Variants in RUNX2 observed in about 807,000 individuals in gnomAD.
The protein encoded by RUNX2 is RUNX family transcription factor 2.
Under a neutral mutation model 51.7 loss-of-function variants are expected in RUNX2, and 10 were observed. The observed-to-expected ratio is 0.19, with a 90% CI of 0.12 to 0.33. RUNX2 has a LOEUF of 0.33. Among genes scored for constraint, RUNX2 ranks in the 10% least tolerant of loss-of-function variants. The probability of loss-of-function intolerance (pLI) is 1.00; values close to 1 mark genes in which losing one functional copy is unlikely to be tolerated. For missense variants in RUNX2, 562 were observed against 691.3 expected (o/e 0.81, Z 2.10); for synonymous variants, 276 against 273.6 (o/e 1.01, Z -0.09).
intron 7 of RUNX2, among the ~76,000 whole-genome samples, chr6:45,514,273 A>G (rs921236368): frequency 6.6e-6 from 1 of 152,218 alleles, no homozygotes. Flanking sequence ...ATTGTTTATC[A>G]TGTACATGTG....
intron 2 of RUNX2, among the ~76,000 whole-genome samples, chr6:45,370,414 C>T (rs1440383220): frequency 2.0e-5 from 3 of 151,954 alleles, no homozygotes; most frequent in Non-Finnish European, 4.4e-5. Flanking sequence ...TCAGTTGGGC[C>T]TATGTTAAGT....
At chr6:45,479,718 C>T (rs979592329) in intron 5 of RUNX2, among the ~76,000 whole-genome samples, 3 of 152,180 alleles carry the variant, frequency 2.0e-5, no homozygotes, top group African/African-American at 7.2e-5. Flanking sequence ...AAACTTAACA[C>T]TACACTTGCT....
In RUNX2 at chr6:45,422,587, C is replaced by G; in HGVS notation, c.59-6C>G. 1 of 1,593,478 alleles carries G rather than the reference C, an allele frequency of 6.3e-7. No homozygotes were observed. ...CTTGTGGCTGTTGTGATGCGTATTCCCGTAGATCCGAGCACCAGCCGGCGC... is the reference window on the plus strand; with the variant it reads ...CTTGTGGCTGTTGTGATGCGTATTCGCGTAGATCCGAGCACCAGCCGGCGC... On this transcript the variant is annotated splice_polypyrimidine_tract_variant and splice_region_variant and intron_variant, in intron 2 of 8. Transcript: ENST00000647337.
chr6:45,547,430 G>C lies in RUNX2; in HGVS notation c.*125G>C. On this transcript the variant is annotated 3_prime_UTR_variant, in exon 9 of 9. Coordinates refer to ENST00000647337, the MANE Select transcript of RUNX2 (RefSeq NM_001024630.4). The stretch of plus-strand genomic sequence containing the variant: ...CTATCTACAAAGTGCCTATTTTTTA[G>C]AAGATTTTTCATTCACTCACTCAGT... The C allele has an allele frequency of 1.2e-6, 1 of 842,038 alleles. No homozygotes were observed. Among genetic ancestry groups the C allele is most frequent in the Non-Finnish European group, 2.0e-6 (1 of 507,250 alleles). 52.2% of individuals were successfully genotyped at this position (842,038 alleles called of 1,614,324 possible).
At chr6:45,491,539 A>G (rs867253261) in intron 5 of RUNX2, among the ~76,000 whole-genome samples, 14 of 151,658 alleles carry the variant, frequency 9.2e-5, no homozygotes, top group Admixed American at 2.6e-4. Context: ...TGTGGCTAAC[A>G]TGCACGGACT....
At chr6:45,523,255 G>A (rs1395802527) in intron 7 of RUNX2, among the ~76,000 whole-genome samples, 1 of 151,956 alleles carries the variant, frequency 6.6e-6, no homozygotes, top group East Asian at 1.9e-4. Flanking sequence ...GGAACTGCAT[G>A]ATTATTATTA....
intron 2 of RUNX2, among the ~76,000 whole-genome samples, chr6:45,334,718 C>CACACCAATGACT (rs1788210217): frequency 1.3e-5 from 2 of 151,120 alleles, no homozygotes; most frequent in African/African-American, 4.8e-5. Flanking sequence ...TGAATGCATT[C>CACACCAATGACT]ACACCAATGA....
chr6:45,492,139 T>C (rs201176411), intron 6 of RUNX2, 25 bp downstream of exon 6: 2 of 1,612,488 alleles, frequency 1.2e-6, no homozygotes, highest in Non-Finnish European at 1.7e-6. Flanking sequence ...TAGGTTTCAC[T>C]TGCATAGACG....
At chr6:45,518,291 T>C (rs1272321096) in intron 7 of RUNX2, among the ~76,000 whole-genome samples, 1 of 152,198 alleles carries the variant, frequency 6.6e-6, no homozygotes, top group Non-Finnish European at 1.5e-5. Context: ...AGGCAAGCCC[T>C]GTGTCAAAAA....
At chr6:45,519,832 G>A (rs866428140) in intron 7 of RUNX2, among the ~76,000 whole-genome samples, 14 of 139,232 alleles carry the variant, frequency 1.0e-4, no homozygotes, top group African/African-American at 3.5e-4. Flanking sequence ...GTGTGTGTGT[G>A]TGTGTATATA....
chr6:45,390,828 A>T (rs11966930), intron 2 of RUNX2, among the ~76,000 whole-genome samples: 4,496 of 152,334 alleles, frequency 0.03, 91 homozygotes, highest in Non-Finnish European at 0.044. Context: ...CTCCCTAAAA[A>T]GATTGGGTTT....
At chr6:45,456,465 CAG>C (rs928980673) in intron 5 of RUNX2, among the ~76,000 whole-genome samples, 97 of 152,328 alleles carry the variant, frequency 6.4e-4, no homozygotes, top group African/African-American at 2.1e-3. Flanking sequence ...TTGCCTGCCT[CAG>C]AAGACAACTC....
chr6:45,396,348 C>T (rs1797581659), intron 2 of RUNX2, among the ~76,000 whole-genome samples: 1 of 152,090 alleles, frequency 6.6e-6, no homozygotes, highest in Non-Finnish European at 1.5e-5. Flanking sequence ...GTGTAACCAT[C>T]ACCATAATCC....
intron 7 of RUNX2, among the ~76,000 whole-genome samples, chr6:45,530,813 C>G (rs1466923916): frequency 6.6e-6 from 1 of 152,142 alleles, no homozygotes; most frequent in Non-Finnish European, 1.5e-5. Flanking sequence ...TTAAAGCTCA[C>G]AGATAAAGAA....
intron 2 of RUNX2, among the ~76,000 whole-genome samples, chr6:45,359,769 C>T (rs1210209724): frequency 3.3e-5 from 5 of 152,092 alleles, no homozygotes; most frequent in African/African-American, 4.8e-5. Flanking sequence ...ACAGGCTGGG[C>T]GCAGAGGCTT....
intron 6 of RUNX2, among the ~76,000 whole-genome samples, chr6:45,494,581 C>T (rs1336972544): frequency 6.6e-6 from 1 of 152,036 alleles, no homozygotes; most frequent in Non-Finnish European, 1.5e-5. Context: ...CAGATGTCCA[C>T]ATACATACTT....
chr6:45,416,758 C>G (rs747555277), intron 2 of RUNX2, among the ~76,000 whole-genome samples: 3 of 152,094 alleles, frequency 2.0e-5, no homozygotes, highest in Non-Finnish European at 4.4e-5. Flanking sequence ...TTTAGTCAAA[C>G]AAAATATATA....
intron 2 of RUNX2, among the ~76,000 whole-genome samples, chr6:45,401,954 G>A (rs1428077911): frequency 3.3e-5 from 5 of 152,186 alleles, no homozygotes; most frequent in East Asian, 1.9e-4. Context: ...TTCAGCTTTC[G>A]CTCCTAGTGT....
At chr6:45,509,745 A>G (rs961929166) in intron 6 of RUNX2, among the ~76,000 whole-genome samples, 4 of 152,218 alleles carry the variant, frequency 2.6e-5, no homozygotes, top group African/African-American at 4.8e-5. Flanking sequence ...GGAGAACTGT[A>G]TCTTACATCC....
Sources: allele counts gnomAD v4.1 joint callset (sites outside exome capture counted in the v4.1 genomes callset), GRCh38; gene constraint gnomAD v4.1.1; transcripts MANE v1.5; gene names NCBI Gene and HGNC (gene_info 2026-07-23, HGNC 2026-07-21).